The following ABCB11 variants were observed in gnomAD, a reference collection of about 807,000 sequenced individuals.
ABCB11 encodes ATP binding cassette subfamily B member 11.
ABCB11 carries 95 observed loss-of-function variants against 148.0 expected under a neutral mutation model. That is an observed-to-expected ratio of 0.64 (90% confidence interval 0.54 to 0.76). ABCB11 has a LOEUF of 0.76. Ranked by LOEUF, ABCB11 falls within the 30% of genes least tolerant of loss-of-function variation. The probability of loss-of-function intolerance (pLI) is 0.00; values close to 1 mark genes in which losing one functional copy is unlikely to be tolerated. For synonymous variants in ABCB11, 591 were observed against 555.4 expected (o/e 1.06, Z -0.90); for missense variants, 1,523 against 1,617.8 (o/e 0.94, Z 1.01).
At chr2:169,029,079 A>G (rs1313233554) in intron 1 of ABCB11, among the ~76,000 whole-genome samples, 1 of 151,770 alleles carries the variant, frequency 6.6e-6, no homozygotes, top group East Asian at 1.9e-4. Context: ...CATGCCCCAC[A>G]TCACACTGTG....
At position 168,943,780 on chromosome 2, in the gene ABCB11, T is replaced by C. The variant is rs988762086; in HGVS notation, c.2610+825A>G. On this transcript the variant is annotated intron_variant, in intron 21 of 27. Coordinates refer to ENST00000650372, the MANE Select transcript of ABCB11 (RefSeq NM_003742.4). Reference sequence around the variant, plus strand: ...GAGTTGAGACTACAGTACAGCACTATCAGTCCAGTGAGTTTTTTCTTCTAA... The same window carrying C: ...GAGTTGAGACTACAGTACAGCACTACCAGTCCAGTGAGTTTTTTCTTCTAA... Among the ~76,000 whole-genome samples the C allele has an allele frequency of 5.0e-5, 6 of 120,114 alleles. No homozygotes were observed. The Admixed American group carries it at 5.4e-4, about 11-fold the overall frequency. 78.8% of individuals were successfully genotyped at this position (120,114 alleles called of 152,430 possible). A position where few individuals can be genotyped will look rare whatever the true frequency, so the allele number is the denominator to read the frequency against.
At chr2:168,997,623 C>A (rs1427099587) in intron 5 of ABCB11, among the ~76,000 whole-genome samples, 6 of 151,998 alleles carry the variant, frequency 3.9e-5, no homozygotes, top group African/African-American at 1.4e-4. Flanking sequence ...TTTAGAGAAT[C>A]AGCAAGCAGC....
intron 18 of ABCB11, 105 bp from the exon 19 acceptor site, chr2:168,958,233 T>C (rs1692889633): frequency 7.3e-6 from 8 of 1,096,466 alleles, no homozygotes; most frequent in Non-Finnish European, 1.1e-5. Context: ...TGATTAGTTA[T>C]GAGTGACCTC....
intron 5 of ABCB11, among the ~76,000 whole-genome samples, chr2:169,003,921 A>G (rs1197260604): frequency 6.6e-6 from 1 of 152,170 alleles, no homozygotes; most frequent in African/African-American, 2.4e-5. Flanking sequence ...GTTAAGTGCC[A>G]TTGGATACAA....
At chr2:168,953,416 C>A (rs191515896) in intron 19 of ABCB11, among the ~76,000 whole-genome samples, 2 of 145,420 alleles carry the variant, frequency 1.4e-5, no homozygotes, top group East Asian at 2.0e-4. Flanking sequence ...ATTGTTATAA[C>A]GTTTTGTTGA....
intron 23 of ABCB11, 54 bp from the exon 24 acceptor site, chr2:168,932,587 G>T: frequency 6.3e-7 from 1 of 1,590,430 alleles, no homozygotes; most frequent in South Asian, 1.1e-5. Context: ...TTGGTGTGAT[G>T]ACCTGAAGGC....
At chr2:169,007,424 A>G (rs1695055610) in intron 5 of ABCB11, among the ~76,000 whole-genome samples, 1 of 152,188 alleles carries the variant, frequency 6.6e-6, no homozygotes, top group Admixed American at 6.5e-5. Flanking sequence ...AGACTGGGTA[A>G]CTTATAAAGA....
At chr2:168,959,619 T>TC (rs1266173221) in intron 18 of ABCB11, among the ~76,000 whole-genome samples, 1 of 151,630 alleles carries the variant, frequency 6.6e-6, no homozygotes, top group African/African-American at 2.4e-5. Flanking sequence ...GGTTATTTTT[T>TC]CAAGGGTATT....
chr2:168,977,465 G>T (rs1334125988), intron 11 of ABCB11, among the ~76,000 whole-genome samples: 2 of 152,188 alleles, frequency 1.3e-5, no homozygotes, highest in Non-Finnish European at 2.9e-5. Flanking sequence ...CACCTCTTCT[G>T]CTAGCAACAA....
chr2:169,001,104 A>G (rs1694857987), intron 5 of ABCB11, among the ~76,000 whole-genome samples: 1 of 152,166 alleles, frequency 6.6e-6, no homozygotes, highest in Admixed American at 6.6e-5. Flanking sequence ...ACCTCCCATT[A>G]CATACCTCTA....
At chr2:169,031,048 T>C (rs1695851673) in intron 1 of ABCB11, among the ~76,000 whole-genome samples, 177 bp downstream of exon 1, 1 of 152,226 alleles carries the variant, frequency 6.6e-6, no homozygotes, top group Non-Finnish European at 1.5e-5. Flanking sequence ...GTCATCTGTA[T>C]TGTATACAAT....
At chr2:168,994,524 A>C (rs1227655471) in intron 7 of ABCB11, among the ~76,000 whole-genome samples, 1 of 151,974 alleles carries the variant, frequency 6.6e-6, no homozygotes, top group Non-Finnish European at 1.5e-5. Flanking sequence ...AACCTACCCC[A>C]ATGGGTAATA....
chr2:168,923,884 T>C (rs1691186090), intron 27 of ABCB11, 62 bp from the exon 28 acceptor site: 1 of 1,531,072 alleles, frequency 6.5e-7, no homozygotes, highest in East Asian at 2.3e-5. Context: ...CCCACCATCA[T>C]GAGAGTTCAG....
In ABCB11 at chr2:168,944,759, G is replaced by A. The variant is rs763389560; in HGVS notation, c.2456C>T (p.Ala819Val). The A allele has an allele frequency of 1.2e-6, 2 of 1,612,458 alleles. No individual in the cohort carries two copies. Among genetic ancestry groups the A allele is most frequent in the Non-Finnish European group, 8.5e-7 (1 of 1,179,030 alleles). The change falls in exon 21 of 28, where the codon GCC becomes GTC. Residue 819 changes from alanine (A) to valine (V), a missense_variant. Physicochemically the swap from Ala to Val is moderately conservative, Grantham distance 64. Transcript: ENST00000650372. ...TAGGAGCTCCCCAGATTTAGCAAAG[G>A]CATATCCCTAAAACATGAAGAGGGA... ...SLFTQFLQGY[A>V]FAKSGELLTK...
chr2:168,987,105 G>T (rs1189568761), intron 9 of ABCB11, among the ~76,000 whole-genome samples: 2 of 152,024 alleles, frequency 1.3e-5, no homozygotes, highest in Admixed American at 6.6e-5. Context: ...AAGAAATAAG[G>T]AACCTCACTC....
At chr2:168,960,396 G>A (rs1195905019) in intron 18 of ABCB11, among the ~76,000 whole-genome samples, 1 of 151,652 alleles carries the variant, frequency 6.6e-6, no homozygotes, top group Non-Finnish European at 1.5e-5. Context: ...CAGCTTCCTT[G>A]TGACATTAAA....
At chr2:168,930,448 A>G (rs1325967558) in intron 25 of ABCB11, among the ~76,000 whole-genome samples, 2 of 152,218 alleles carry the variant, frequency 1.3e-5, no homozygotes, top group Non-Finnish European at 2.9e-5. Context: ...CTAACTGGTC[A>G]GCAGGCCATC....
intron 1 of ABCB11, among the ~76,000 whole-genome samples, chr2:169,022,800 C>T (rs10172523): frequency 0.23 from 35,257 of 151,750 alleles, 5,188 homozygotes; most frequent in East Asian, 0.56. Flanking sequence ...ATATGTTAAA[C>T]ATAATTCAGC....
Position 169,013,446 on chromosome 2 carries a change from T to C in ABCB11, c.215A>G (p.His72Arg). ...TAGCACGCCTGGCTGGGCTATTCCATGGAGAAATGCACACAAACTTCCCAC... is the reference window on the plus strand; with the variant it reads ...TAGCACGCCTGGCTGGGCTATTCCACGGAGAAATGCACACAAACTTCCCAC... Reference protein sequence around the residue: ...MFVGSLCAFLHGIAQPGVLLI... With the variant: ...MFVGSLCAFLRGIAQPGVLLI... Residue 72 changes from histidine to arginine, a missense_variant, in exon 5 of 28, where the codon CAT becomes CGT. Coordinates refer to ENST00000650372, the MANE Select transcript of ABCB11 (RefSeq NM_003742.4). 1.2e-6 allele frequency: 2 copies of C among 1,613,776 alleles called. No individual in the cohort carries two copies. Among genetic ancestry groups the C allele is most frequent in the Non-Finnish European group, 1.7e-6 (2 of 1,179,774 alleles).
Sources: allele counts gnomAD v4.1 joint callset (sites outside exome capture counted in the v4.1 genomes callset), GRCh38; gene constraint gnomAD v4.1.1; transcripts MANE v1.5; gene names NCBI Gene and HGNC (gene_info 2026-07-23, HGNC 2026-07-21).